Variants in RANBP2 observed in about 807,000 individuals in gnomAD.
RANBP2 encodes the protein E3 SUMO-protein ligase RanBP2.
In RANBP2, 57 loss-of-function variants were observed where a neutral mutation model predicts 303.6. That is an observed-to-expected ratio of 0.19 (90% CI 0.15 to 0.23). The LOEUF (loss-of-function observed/expected upper bound fraction) is 0.23. RANBP2 is among the 10% of genes least tolerant of loss of function. The pLI is 1.00. For synonymous variants in RANBP2, 1,167 were observed against 1,301.5 expected (o/e 0.90, Z 2.23); for missense variants, 3,138 against 3,780.8 (o/e 0.83, Z 4.46).
At chr2:109,501,516 G>T in the RANBP2 span, 1 of 778,522 alleles carries the variant, frequency 1.3e-6, no homozygotes, top group Admixed American at 1.7e-5. Flanking sequence ...CCGCGTGGTG[G>T]TCTCGTACCC....
chr2:109,371,085 C>A, the RANBP2 span, among the ~76,000 whole-genome samples: 1 of 152,188 alleles, frequency 6.6e-6, no homozygotes, highest in Admixed American at 6.5e-5. Flanking sequence ...CAGCTATAAT[C>A]AATAGTGTCA....
the RANBP2 span, among the ~76,000 whole-genome samples, chr2:108,819,447 A>C: frequency 2.6e-5 from 4 of 152,306 alleles, no homozygotes; most frequent in East Asian, 7.7e-4. Context: ...AGGGAATGGT[A>C]GCATAGTTTG....
At chr2:108,908,203 G>T in the RANBP2 span, among the ~76,000 whole-genome samples, 3 of 152,182 alleles carry the variant, frequency 2.0e-5, no homozygotes, top group African/African-American at 7.2e-5. Context: ...GACATACACC[G>T]GTGGCTTCCT....
At chr2:109,435,728 T>G in the RANBP2 span, among the ~76,000 whole-genome samples, 1 of 152,362 alleles carries the variant, frequency 6.6e-6, no homozygotes, top group East Asian at 1.9e-4. Flanking sequence ...AATATCACCT[T>G]GCAAATTAGT....
At chr2:109,273,726 G>C in the RANBP2 span, among the ~76,000 whole-genome samples, 1 of 152,196 alleles carries the variant, frequency 6.6e-6, no homozygotes, top group South Asian at 2.1e-4. Context: ...TGCAGGGTAG[G>C]AGTCACATTT....
chr2:109,185,011 AC>A, the RANBP2 span, among the ~76,000 whole-genome samples: 1 of 152,226 alleles, frequency 6.6e-6, no homozygotes, highest in Non-Finnish European at 1.5e-5. Context: ...AGCACCACCT[AC>A]CTGATTAAAA....
the RANBP2 span, among the ~76,000 whole-genome samples, chr2:109,405,474 A>C: frequency 1.3e-5 from 2 of 152,000 alleles, no homozygotes; most frequent in African/African-American, 4.8e-5. Flanking sequence ...CATTCCCGTG[A>C]GCCTGTGCAG....
At chr2:109,648,339 A>G in the RANBP2 span, among the ~76,000 whole-genome samples, 2 of 152,202 alleles carry the variant, frequency 1.3e-5, no homozygotes, top group Non-Finnish European at 2.9e-5. Context: ...TTTAAGCAGC[A>G]GAAAGACACC....
the RANBP2 span, among the ~76,000 whole-genome samples, chr2:109,705,948 G>C: frequency 2.6e-5 from 4 of 152,176 alleles, no homozygotes; most frequent in African/African-American, 9.7e-5. Context: ...CCAGAGATGG[G>C]GCAGGTAAAG....
At chr2:108,954,734 G>C in the RANBP2 span, among the ~76,000 whole-genome samples, 1 of 151,510 alleles carries the variant, frequency 6.6e-6, no homozygotes, top group African/African-American at 2.4e-5. Context: ...GGAGTGCAAT[G>C]GCGTGATCTC....
the RANBP2 span, among the ~76,000 whole-genome samples, chr2:108,957,250 T>C: frequency 6.6e-6 from 1 of 152,242 alleles, no homozygotes; most frequent in African/African-American, 2.4e-5. Context: ...CCCAGGTGGC[T>C]GTTCACCTTC....
At chr2:108,883,105 T>G in the RANBP2 span, 1 of 152,240 alleles carries the variant, frequency 6.6e-6, no homozygotes, top group African/African-American at 2.4e-5. Context: ...ATCCTCTATA[T>G]TTTGTGAGCC....
chr2:109,459,256 T>G, the RANBP2 span, among the ~76,000 whole-genome samples: 1 of 152,180 alleles, frequency 6.6e-6, no homozygotes, highest in African/African-American at 2.4e-5. Context: ...AGACATATTC[T>G]TAACAAAATA....
the RANBP2 span, among the ~76,000 whole-genome samples, chr2:109,634,837 C>A: frequency 6.6e-6 from 1 of 152,176 alleles, no homozygotes; most frequent in African/African-American, 2.4e-5. Context: ...TACAAAGTCA[C>A]AACCACGAAT....
the RANBP2 span, among the ~76,000 whole-genome samples, chr2:109,141,171 C>G: frequency 2.6e-5 from 4 of 152,216 alleles, no homozygotes; most frequent in Non-Finnish European, 5.9e-5. Context: ...GCGGATTCCT[C>G]TCTTTTGTCT....
the RANBP2 span, among the ~76,000 whole-genome samples, chr2:108,963,934 C>T: frequency 6.6e-6 from 1 of 152,138 alleles, no homozygotes; most frequent in Non-Finnish European, 1.5e-5. Flanking sequence ...GGAGCATGGG[C>T]CAATCCTGGA....
At chr2:108,962,703 A>AGG in the RANBP2 span, among the ~76,000 whole-genome samples, 5 of 127,850 alleles carry the variant, frequency 3.9e-5, no homozygotes, top group African/African-American at 8.1e-5. Flanking sequence ...AAAAAAAAAG[A>AGG]GAGAAAGGAA....
downstream of RANBP2, chr2:108,788,173 C>T (rs947980584): frequency 2.2e-6 from 3 of 1,395,178 alleles, no homozygotes; most frequent in Non-Finnish European, 2.9e-6. Context: ...AATCCCAGCA[C>T]TTTGGGAGGC....
At chr2:109,372,828 C>T in the RANBP2 span, among the ~76,000 whole-genome samples, 1 of 152,202 alleles carries the variant, frequency 6.6e-6, no homozygotes, top group Non-Finnish European at 1.5e-5. Flanking sequence ...GAGTTGGCAC[C>T]GAAAGCCCAC....
Sources: allele counts gnomAD v4.1 joint callset (sites outside exome capture counted in the v4.1 genomes callset), GRCh38; gene constraint gnomAD v4.1.1; transcripts MANE v1.5; gene names NCBI Gene and HGNC (gene_info 2026-07-23, HGNC 2026-07-21).